GPR137C: variants seen among roughly 807,000 people sequenced by gnomAD.
GPR137C encodes integral membrane protein GPR137C.
In GPR137C, 27 loss-of-function variants were observed where a neutral mutation model predicts 43.4. The ratio of observed to expected loss-of-function variants is 0.62; its 90% CI spans 0.46 to 0.86. The LOEUF (loss-of-function observed/expected upper bound fraction) is 0.86. Ranked by LOEUF, GPR137C falls within the 40% of genes least tolerant of loss-of-function variation. The pLI, the probability that GPR137C is intolerant of heterozygous loss-of-function variation, is 0.00. For synonymous variants in GPR137C, 285 were observed against 226.9 expected, an observed-to-expected ratio of 1.26 and a Z score of -2.30; for missense variants, 522 against 534.6, an observed-to-expected ratio of 0.98 and a Z score of 0.23.
chr14:52,604,553 C>G (rs1181891611), intron 3 of GPR137C, among the ~76,000 whole-genome samples: 1 of 151,848 alleles, frequency 6.6e-6, no homozygotes, highest in Non-Finnish European at 1.5e-5. Flanking sequence ...TCAAGCGATT[C>G]TCCAGCCTCA....
At chr14:52,582,638 A>T (rs1426767054) in intron 1 of GPR137C, among the ~76,000 whole-genome samples, 2 of 152,160 alleles carry the variant, frequency 1.3e-5, no homozygotes, top group African/African-American at 2.4e-5. Flanking sequence ...TAATAAAAAT[A>T]CAAAAATTAG....
intron 3 of GPR137C, among the ~76,000 whole-genome samples, chr14:52,617,532 A>G (rs745346015): frequency 6.6e-6 from 1 of 152,136 alleles, no homozygotes. Flanking sequence ...TACAAAAGTC[A>G]GCTGGGCATG....
chr14:52,610,603 G>A lies in GPR137C; in HGVS notation c.717+10262G>A, dbSNP rs181258385. ...GATAAGAAAAAAAGTAGTACATATCGGGTTTGGTACTATCCATAGTTTCAG... is the reference window on the plus strand; with the variant it reads ...GATAAGAAAAAAAGTAGTACATATCAGGTTTGGTACTATCCATAGTTTCAG... On this transcript the variant is annotated intron_variant, in intron 3 of 6. Coordinates refer to ENST00000321662, the MANE Select transcript of GPR137C (RefSeq NM_001099652.2). Among the ~76,000 whole-genome samples the A allele has an allele frequency of 1.2e-3, 190 of 152,192 alleles. 1 individual carries two copies. Among genetic ancestry groups the A allele is most frequent in the African/African-American group, 4.3e-3 (177 of 41,522 alleles).
At chr14:52,589,553 A>T (rs1052171661) in intron 1 of GPR137C, among the ~76,000 whole-genome samples, 2 of 152,206 alleles carry the variant, frequency 1.3e-5, no homozygotes, top group Non-Finnish European at 2.9e-5. Context: ...GGAGATGGCA[A>T]AAGTGGATGC....
chr14:52,577,720 T>TG (rs2038582758), intron 1 of GPR137C, among the ~76,000 whole-genome samples: 1 of 147,698 alleles, frequency 6.8e-6, no homozygotes, highest in South Asian at 2.1e-4. Flanking sequence ...CCCAGCACTT[T>TG]GGGAGGCTGA....
At chr14:52,556,502 C>T (rs1415763510) in intron 1 of GPR137C, among the ~76,000 whole-genome samples, 4 of 147,158 alleles carry the variant, frequency 2.7e-5, no homozygotes, top group African/African-American at 7.4e-5. Context: ...TCCTGGAAGC[C>T]TATAGTTGAG....
rs753743830 is a variant in GPR137C at position 52,553,492 on chromosome 14, G to A, written c.345G>A (p.Pro115=). Residue 115 remains proline (P), a synonymous_variant, in exon 1 of 7, where the codon CCG becomes CCA. Transcript: ENST00000321662. The part of the protein sequence containing the change: ...SLSGSLPLLR[P]PAHLHFFPHW... ...GCGGCTCCCTGCCCTTGCTCCGGCC[G>A]CCCGCTCACCTGCACTTCTTCCCCC... The A allele has an allele frequency of 1.2e-6, 2 of 1,608,720 alleles. No individual in the cohort carries two copies. Among genetic ancestry groups the A allele is most frequent in the Non-Finnish European group, 8.5e-7 (1 of 1,179,746 alleles).
chr14:52,617,845 G>A (rs1168356960), intron 3 of GPR137C, among the ~76,000 whole-genome samples: 1 of 152,102 alleles, frequency 6.6e-6, no homozygotes, highest in African/African-American at 2.4e-5. Context: ...TGCTCTCATG[G>A]GTTGCTATGA....
chr14:52,553,556 T>A lies in GPR137C; in HGVS notation c.409T>A (p.Ser137Thr), dbSNP rs1265755920. The A allele has an allele frequency of 1.2e-6, 2 of 1,606,124 alleles. No homozygotes were observed. Among genetic ancestry groups the A allele is most frequent in the African/African-American group, 2.7e-5 (2 of 74,800 alleles). Residue 137 changes from serine (S) to threonine (T), a missense_variant, in exon 1 of 7, where the codon TCC becomes ACC. Physicochemically the swap from Ser to Thr is moderately conservative, Grantham distance 58. Transcript: ENST00000321662. ...LYCFPSCLQF[S>T]TLCLLNLYLA... The stretch of plus-strand genomic sequence containing the variant: ...CTGCTTCCCCTCCTGTCTCCAGTTC[T>A]CCACGCTCTGTCTCCTCAACCTCTA...
At chr14:52,624,226 A>G (rs1008916344) in intron 3 of GPR137C, among the ~76,000 whole-genome samples, 6 of 151,346 alleles carry the variant, frequency 4.0e-5, no homozygotes, top group African/African-American at 1.2e-4. Context: ...AAAAAAAAAA[A>G]AAAGAAAGAA....
chr14:52,581,370 T>TAA (rs142405317), intron 1 of GPR137C, among the ~76,000 whole-genome samples: 8 of 127,488 alleles, frequency 6.3e-5, no homozygotes, highest in Non-Finnish European at 9.9e-5. Context: ...CCTTCTCTAC[T>TAA]AAAAAAAAAA....
chr14:52,599,329 C>G (rs1384045046), intron 2 of GPR137C, among the ~76,000 whole-genome samples: 3 of 152,016 alleles, frequency 2.0e-5, no homozygotes, highest in Non-Finnish European at 4.4e-5. Context: ...ATATACTGTC[C>G]CTATGTTCTT....
chr14:52,589,709 C>T (rs2038757586), intron 1 of GPR137C, among the ~76,000 whole-genome samples: 1 of 152,146 alleles, frequency 6.6e-6, no homozygotes, highest in South Asian at 2.1e-4. Context: ...GTCAATAACT[C>T]ACCCCACATA....
rs555809884 is a variant in GPR137C at position 52,566,891 on chromosome 14, C to T, written c.444+13300C>T. Among the ~76,000 whole-genome samples, 11 of 152,244 alleles carry T rather than the reference C, an allele frequency of 7.2e-5. No individual in the cohort carries two copies. In the South Asian group the frequency reaches 2.3e-3, roughly 32 times the overall value. On this transcript the variant is annotated intron_variant, in intron 1 of 6. Transcript: ENST00000321662. ...CATTGGGAGGCTGAGGCGGGTGGATCATCTGAGGTCAGGAGTTTGAGACCA... is the reference window on the plus strand; with the variant it reads ...CATTGGGAGGCTGAGGCGGGTGGATTATCTGAGGTCAGGAGTTTGAGACCA...
intron 1 of GPR137C, among the ~76,000 whole-genome samples, chr14:52,567,784 C>T (rs940579693): frequency 1.3e-5 from 2 of 151,900 alleles, no homozygotes; most frequent in East Asian, 1.9e-4. Context: ...CCCAGCCTCC[C>T]GAGTAGCTGG....
intron 3 of GPR137C, among the ~76,000 whole-genome samples, chr14:52,601,507 TATAG>T (rs1259887309): frequency 4.6e-5 from 7 of 151,144 alleles, no homozygotes; most frequent in South Asian, 2.1e-4. Flanking sequence ...TGTATATATA[TATAG>T]AGAGAGAGAG....
intron 1 of GPR137C, among the ~76,000 whole-genome samples, chr14:52,586,588 C>T (rs556816657): frequency 8.9e-4 from 136 of 152,254 alleles, no homozygotes; most frequent in African/African-American, 2.7e-3. Context: ...TGCCCATCTC[C>T]CTTTTCTTTA....
chr14:52,581,209 A>AT (rs1237534822), intron 1 of GPR137C, among the ~76,000 whole-genome samples: 3 of 150,408 alleles, frequency 2.0e-5, no homozygotes. Flanking sequence ...AAAAAAAAAA[A>AT]AAAAGTTGTT....
At chr14:52,622,987 C>G (rs913971419) in intron 3 of GPR137C, among the ~76,000 whole-genome samples, 1 of 152,038 alleles carries the variant, frequency 6.6e-6, no homozygotes, top group African/African-American at 2.4e-5. Context: ...ATTTTACACA[C>G]AATTGGTCTA....
Sources: gnomAD v4.1 joint callset for allele counts (sites outside exome capture counted in the v4.1 genomes callset) on GRCh38, gnomAD v4.1.1 for gene constraint, MANE v1.5 for transcripts, NCBI Gene and HGNC (gene_info 2026-07-23, HGNC 2026-07-21) for gene names.